Variants in TREM2 observed in about 807,000 individuals in gnomAD.
The protein encoded by TREM2 is triggering receptor expressed on monocytes 2.
TREM2 carries 20 observed loss-of-function variants against 22.9 expected under a neutral mutation model. The observed-to-expected ratio is 0.87, with a 90% CI of 0.61 to 1.27. The LOEUF is 1.27. TREM2 is among the 50% of genes most tolerant of loss of function. The pLI, the probability that TREM2 is intolerant of heterozygous loss-of-function variation, is 0.00. For synonymous variants in TREM2, 111 were observed against 120.9 expected (o/e 0.92, Z 0.54); for missense variants, 267 against 289.0 (o/e 0.92, Z 0.55).
chr6:41,160,009 T>C (rs1178557792), intron 2 of TREM2, 127 bp from the exon 3 acceptor site: 6 of 722,292 alleles, frequency 8.3e-6, no homozygotes. Context: ...ATCAGGTCAT[T>C]ACACTCCATA....
intron 2 of TREM2, 63 bp from the exon 3 acceptor site, chr6:41,159,945 G>A (rs1765518010): frequency 1.4e-6 from 2 of 1,445,378 alleles, no homozygotes; most frequent in Non-Finnish European, 1.9e-6. Flanking sequence ...GAGAACCTTG[G>A]CGGGAGAACC....
Position 41,159,013 on chromosome 6 carries a change from A to C in TREM2, c.536T>G (p.Leu179Arg). ...PFPPTSILLLLACIFLIKILA... is the reference protein window; with the variant it reads ...PFPPTSILLLRACIFLIKILA... ...AATCTTGATGAGAAAGATGCAGGCC[A>C]GGAGGAGAAGGATGGAAGTGGGTGG... is the stretch of plus-strand genomic sequence containing the variant. The change falls in exon 4 of 5, where the codon CTG becomes CGG. Residue 179 changes from leucine to arginine, a missense_variant. Coordinates refer to ENST00000373113, the MANE Select transcript of TREM2 (RefSeq NM_018965.4). 6.2e-7 allele frequency: 1 copy of C among 1,614,170 alleles called. No individual in the cohort carries two copies. Among genetic ancestry groups the C allele is most frequent in the Non-Finnish European group, 8.5e-7 (1 of 1,180,008 alleles).
chr6:41,160,745 G>A (rs1490938217), intron 2 of TREM2, among the ~76,000 whole-genome samples: 1 of 152,218 alleles, frequency 6.6e-6, no homozygotes, highest in Non-Finnish European at 1.5e-5. Flanking sequence ...ACAGATGAGA[G>A]AATGGAGGCC....
At chr6:41,160,187 A>G (rs1320122365) in intron 2 of TREM2, among the ~76,000 whole-genome samples, 4 of 152,100 alleles carry the variant, frequency 2.6e-5, no homozygotes, top group African/African-American at 4.8e-5. Context: ...AGCAAATACA[A>G]TCGTGGATGT....
chr6:41,161,227 A>C (rs745368556), intron 2 of TREM2, 36 bp downstream of exon 2: 28 of 1,589,380 alleles, frequency 1.8e-5, no homozygotes, highest in Non-Finnish European at 2.2e-5. Context: ...GGCCTGGAAC[A>C]GGGGCAGGCC....
rs1253813598 is a variant in TREM2 at position 41,163,071 on chromosome 6, G to A, written c.12C>T (p.Leu4=). The A allele has an allele frequency of 6.2e-7, 1 of 1,614,184 alleles. No individual in the cohort carries two copies. Among genetic ancestry groups the A allele is most frequent in the Non-Finnish European group, 8.5e-7 (1 of 1,180,022 alleles). The change falls in exon 1 of 5, where the codon CTC becomes CTT. Residue 4 remains leucine, a synonymous_variant. Coordinates refer to ENST00000373113, the MANE Select transcript of TREM2 (RefSeq NM_018965.4). MEP[L]RLLILLFVTE... is the part of the protein sequence containing the mutation. ...TGACAAAGAGTAAGATGAGCAGCCG[G>A]AGAGGCTCCATGCCACCCTTCCCCA...
intron 2 of TREM2, among the ~76,000 whole-genome samples, chr6:41,160,672 C>T (rs1033599938): frequency 2.6e-5 from 4 of 152,096 alleles, no homozygotes; most frequent in South Asian, 2.1e-4. Flanking sequence ...CAACGCCCCC[C>T]GCCAAATAAA....
chr6:41,158,688 G>A lies in TREM2; in HGVS notation c.*76C>T. On this transcript the variant is annotated 3_prime_UTR_variant, in exon 5 of 5. Coordinates refer to ENST00000373113, the MANE Select transcript of TREM2 (RefSeq NM_018965.4). ...CCAGAGCAGAACAAGGAGTCCTGGT[G>A]GCCAAGTGGCAAGTATGCAGGCTGG... 6 of 1,614,050 alleles carry A rather than the reference G, an allele frequency of 3.7e-6. No homozygotes were observed. The highest frequency in any genetic ancestry group is 5.1e-6 in the Non-Finnish European group (6 of 1,179,960).
rs200392967 is a variant in TREM2, at chr6:41,161,537, G to C, written c.117C>G (p.Asp39Glu). The change falls in exon 2 of 5, where the codon GAC becomes GAG. Residue 39 changes from aspartate to glutamate, a missense_variant. Physicochemically the swap from Asp to Glu is conservative, Grantham distance 45. Coordinates refer to ENST00000373113, the MANE Select transcript of TREM2 (RefSeq NM_018965.4). ...TGCGCCTCCCCCAGTGCTTCATGGA[G>C]TCATAGGGGCAAGACACCTGCAGGG... The part of the protein sequence containing the change: ...GQSLQVSCPY[D>E]SMKHWGRRKA... 5.3e-5 allele frequency: 86 copies of C among 1,614,064 alleles called. No homozygotes were observed. Among genetic ancestry groups the C allele is most frequent in the Non-Finnish European group, 6.4e-5 (76 of 1,180,040 alleles).
In TREM2 at chr6:41,159,074, A is replaced by G; in HGVS notation, c.483-8T>C. ...TCTCCTTCCAAGAGGCTCCTTGGAG[A>G]GACAAGAAGGCAGATGGGAGCCTTG... On this transcript the variant is annotated splice_region_variant and splice_polypyrimidine_tract_variant and intron_variant, in intron 3 of 4. Coordinates refer to ENST00000373113, the MANE Select transcript of TREM2 (RefSeq NM_018965.4). The G allele has an allele frequency of 1.9e-6, 3 of 1,610,116 alleles. No homozygotes were observed. The South Asian group carries it at 3.3e-5, about 18-fold the overall frequency.
chr6:41,162,422 C>G (rs1453846070), intron 1 of TREM2, among the ~76,000 whole-genome samples: 1 of 152,214 alleles, frequency 6.6e-6, no homozygotes, highest in Non-Finnish European at 1.5e-5. Flanking sequence ...CCATTTGGCA[C>G]CGTCTCTCCT....
rs145080901 is a variant in TREM2 at position 41,161,340 on chromosome 6, G to A, written c.314C>T (p.Ala105Val). 1.6e-4 allele frequency: 251 copies of A among 1,614,098 alleles called. No individual in the cohort carries two copies. The highest frequency in any genetic ancestry group is 1.9e-4 in the Non-Finnish European group (225 of 1,180,042). The part of the protein sequence containing the change: ...ITLRNLQPHD[A>V]GLYQCQSLHG... ...GAGGCTCTGGCACTGGTAGAGACCC[G>A]CATCATGGGGTTGTAGATTCCGCAG... The change falls in exon 2 of 5, where the codon GCG becomes GTG. Residue 105 changes from alanine to valine, a missense_variant. Transcript: ENST00000373113.
In TREM2 at chr6:41,159,038, G is replaced by A; in HGVS notation, c.511C>T (p.Pro171Ser). The A allele has an allele frequency of 1.9e-6, 3 of 1,613,952 alleles. No homozygotes were observed. Among genetic ancestry groups the A allele is most frequent in the Non-Finnish European group, 2.5e-6 (3 of 1,179,920 alleles). Residue 171 changes from proline (P) to serine (S), a missense_variant, in exon 4 of 5, where the codon CCA becomes TCA. Physicochemically the swap from Pro to Ser is moderately conservative, Grantham distance 74. Coordinates refer to ENST00000373113, the MANE Select transcript of TREM2 (RefSeq NM_018965.4). Reference protein sequence around the residue: ...RSLLEGEIPFPPTSILLLLAC... With the variant: ...RSLLEGEIPFSPTSILLLLAC... ...AGGAGGAGAAGGATGGAAGTGGGTG[G>A]GAAGGGGATTTCTCCTTCCAAGAGG...
rs1765475151 is a variant in TREM2 at position 41,158,546 on chromosome 6, G to GT, written c.*217dup. 1 of 1,491,710 alleles carries GT rather than the reference G, an allele frequency of 6.7e-7. No individual in the cohort carries two copies. The highest frequency in any genetic ancestry group is 2.5e-5 in the East Asian group (1 of 40,398). 92.4% of individuals were successfully genotyped at this position (1,491,710 alleles called of 1,614,324 possible). A position where few individuals can be genotyped will look rare whatever the true frequency, so the allele number is the denominator to read the frequency against. ...GACAGTCTTGGATTTATTTGTAAGT[G>GT]TTTAAAATGTCCAATATTCAGAAGT... On this transcript the variant is annotated 3_prime_UTR_variant, in exon 5 of 5. Coordinates refer to ENST00000373113, the MANE Select transcript of TREM2 (RefSeq NM_018965.4).
intron 2 of TREM2, 72 bp from the exon 3 acceptor site, chr6:41,159,954 C>A (rs545890557): frequency 7.8e-5 from 103 of 1,313,458 alleles, no homozygotes; most frequent in African/African-American, 5.7e-4. Flanking sequence ...GGCGGGAGAA[C>A]CTTTATGGGT....
At chr6:41,161,202 A>C in intron 2 of TREM2, 61 bp downstream of exon 2, 1 of 1,506,080 alleles carries the variant, frequency 6.6e-7, no homozygotes, top group Non-Finnish European at 9.1e-7. Context: ...CTGCACACAG[A>C]CGCCCAAAAC....
At chr6:41,159,979 TG>T in intron 2 of TREM2, 97 bp from the exon 3 acceptor site, 1 of 891,146 alleles carries the variant, frequency 1.1e-6, no homozygotes. Flanking sequence ...TGAGGTCCCC[TG>T]GGCACTGGTC....
Position 41,158,998 on chromosome 6 carries a change from A to G in TREM2, c.551T>C (p.Leu184Pro), listed in dbSNP as rs1425834660. 1 of 1,614,188 alleles carries G rather than the reference A, an allele frequency of 6.2e-7. No homozygotes were observed. The highest frequency in any genetic ancestry group is 1.7e-5 in the Admixed American group (1 of 60,024). Residue 184 changes from leucine (L) to proline (P), a missense_variant, in exon 4 of 5, where the codon CTC becomes CCC. Leu to Pro is a moderately conservative substitution (Grantham distance 98, BLOSUM62 -3). Transcript: ENST00000373113. The stretch of plus-strand genomic sequence containing the variant: ...GGCGCTGGCTGCTAGAATCTTGATG[A>G]GAAAGATGCAGGCCAGGAGGAGAAG... Reference protein sequence around the residue: ...SILLLLACIFLIKILAASALW... With the variant: ...SILLLLACIFPIKILAASALW...
At position 41,159,006 on chromosome 6, in the gene TREM2, G is replaced by T. The variant is rs778415288; in HGVS notation, c.543C>A (p.Cys181Ter). The change falls in exon 4 of 5, where the codon TGC (cysteine) becomes TGA (stop). Residue 181 changes from cysteine to a stop codon, truncating the protein, a stop_gained. Coordinates refer to ENST00000373113, the MANE Select transcript of TREM2 (RefSeq NM_018965.4). LOFTEE classifies it high-confidence loss of function. Reference protein sequence around the residue: ...PPTSILLLLACIFLIKILAAS... With the variant: ...PPTSILLLLA ...CTGCTAGAATCTTGATGAGAAAGAT[G>T]CAGGCCAGGAGGAGAAGGATGGAAG... 1.9e-6 allele frequency: 3 copies of T among 1,614,182 alleles called. No individual in the cohort carries two copies. The Admixed American group carries it at 5.0e-5, about 27-fold the overall frequency.
Sources: gnomAD v4.1 joint callset for allele counts (sites outside exome capture counted in the v4.1 genomes callset) on GRCh38, gnomAD v4.1.1 for gene constraint, MANE v1.5 for transcripts, NCBI Gene and HGNC (gene_info 2026-07-23, HGNC 2026-07-21) for gene names.